ADAMTS5: variants seen among roughly 807,000 people sequenced by gnomAD.
ADAMTS5 encodes the protein A disintegrin and metalloproteinase with thrombospondin motifs 5.
ADAMTS5 carries 54 observed loss-of-function variants against 81.4 expected under a neutral mutation model. That is an observed-to-expected ratio of 0.66 (90% CI 0.53 to 0.83). The LOEUF (loss-of-function observed/expected upper bound fraction) is 0.83, where lower values mean the gene tolerates loss of function less well. Ranked by LOEUF, ADAMTS5 falls within the 40% of genes least tolerant of loss-of-function variation. The pLI, the probability that ADAMTS5 is intolerant of heterozygous loss-of-function variation, is 0.00. For missense variants in ADAMTS5, 1,194 were observed against 1,229.9 expected (o/e 0.97, Z 0.44); for synonymous variants, 532 against 508.8 (o/e 1.05, Z -0.61).
intron 3 of ADAMTS5, among the ~76,000 whole-genome samples, chr21:26,935,386 C>G (rs1986995253): frequency 6.6e-6 from 1 of 152,130 alleles, no homozygotes; most frequent in African/African-American, 2.4e-5. Context: ...CCAGATCTAC[C>G]TTTGAAGGCC....
At chr21:26,962,665 A>G (rs1345405738) in intron 1 of ADAMTS5, among the ~76,000 whole-genome samples, 2 of 152,208 alleles carry the variant, frequency 1.3e-5, no homozygotes, top group African/African-American at 2.4e-5. Flanking sequence ...CCATCAAAAC[A>G]TGGATTTCAT....
chr21:26,958,847 T>C (rs578057933), intron 1 of ADAMTS5, among the ~76,000 whole-genome samples: 1 of 152,318 alleles, frequency 6.6e-6, no homozygotes, highest in South Asian at 2.1e-4. Context: ...TGATGAATTC[T>C]CCTTGAGGGA....
chr21:26,925,461 A>G (rs1005614838), intron 7 of ADAMTS5, among the ~76,000 whole-genome samples: 3 of 152,232 alleles, frequency 2.0e-5, no homozygotes, highest in East Asian at 1.9e-4. Context: ...GTCTTCAAAG[A>G]GCCATCATCT....
At chr21:26,928,388 C>T (rs1986841911) in intron 7 of ADAMTS5, among the ~76,000 whole-genome samples, 1 of 152,088 alleles carries the variant, frequency 6.6e-6, no homozygotes, top group African/African-American at 2.4e-5. Context: ...CATTGCATAC[C>T]ACTTGTTGCT....
chr21:26,937,757 C>G (rs1987040061), intron 3 of ADAMTS5, among the ~76,000 whole-genome samples: 1 of 152,158 alleles, frequency 6.6e-6, no homozygotes, highest in African/African-American at 2.4e-5. Context: ...CTAGAGGCAT[C>G]CAACCTAGTG....
intron 2 of ADAMTS5, among the ~76,000 whole-genome samples, chr21:26,947,255 T>A (rs919652754): frequency 6.6e-6 from 1 of 152,208 alleles, no homozygotes; most frequent in African/African-American, 2.4e-5. Context: ...CCAAACACAC[T>A]TGTGTAATAG....
intron 2 of ADAMTS5, among the ~76,000 whole-genome samples, chr21:26,947,671 T>C (rs1987242689): frequency 6.6e-6 from 1 of 152,082 alleles, no homozygotes; most frequent in Admixed American, 6.6e-5. Flanking sequence ...CTGACCTCAG[T>C]TGATCCACCT....
Position 26,965,994 on chromosome 21 carries a change from C to G in ADAMTS5, c.398G>C (p.Arg133Pro). 5.0e-6 allele frequency: 8 copies of G among 1,613,156 alleles called. No individual in the cohort carries two copies. The highest frequency in any genetic ancestry group is 6.8e-6 in the Non-Finnish European group (8 of 1,179,798). Residue 133 changes from arginine (R) to proline (P), a missense_variant, in exon 1 of 8, where the codon CGG becomes CCG. Arg to Pro is a moderately radical substitution (Grantham distance 103). Coordinates refer to ENST00000284987, the MANE Select transcript of ADAMTS5 (RefSeq NM_007038.5). ...PWRHRSHCFY[R>P]GTVDGSPRSL... ...GCGGGGACTACCGTCCACTGTGCCC[C>G]GATAGAAGCAGTGGCTCCGGTGGCG...
intron 2 of ADAMTS5, among the ~76,000 whole-genome samples, chr21:26,946,757 A>G (rs1158036815): frequency 2.6e-5 from 4 of 152,244 alleles, no homozygotes; most frequent in Non-Finnish European, 5.9e-5. Context: ...ATTGTATTAC[A>G]TGATGAGTTT....
intron 1 of ADAMTS5, among the ~76,000 whole-genome samples, chr21:26,957,447 T>TGATA (rs3838079): frequency 0.023 from 3,526 of 150,490 alleles, 44 homozygotes; most frequent in East Asian, 0.074. Context: ...GATGGATAGA[T>TGATA]GATAGATAGA....
intron 1 of ADAMTS5, among the ~76,000 whole-genome samples, chr21:26,965,030 C>T (rs1187392584): frequency 6.6e-6 from 1 of 152,186 alleles, no homozygotes; most frequent in East Asian, 1.9e-4. Context: ...TGCCACAACA[C>T]CTCAGACTAG....
chr21:26,954,325 A>C (rs1311257868), intron 2 of ADAMTS5, among the ~76,000 whole-genome samples: 1 of 152,158 alleles, frequency 6.6e-6, no homozygotes. Flanking sequence ...TATCACTGAC[A>C]ATGAAATAAA....
chr21:26,931,871 G>T, intron 6 of ADAMTS5, 133 bp downstream of exon 6: 1 of 793,390 alleles, frequency 1.3e-6, no homozygotes, highest in South Asian at 2.9e-5. Context: ...TTATAGAGAT[G>T]AAAATAAAAA....
At chr21:26,926,177 G>C (rs1300678326) in intron 7 of ADAMTS5, among the ~76,000 whole-genome samples, 1 of 152,160 alleles carries the variant, frequency 6.6e-6, no homozygotes, top group Non-Finnish European at 1.5e-5. Flanking sequence ...AGGCTGAAGT[G>C]GGAGGATCGC....
Position 26,966,355 on chromosome 21 carries a change from A to T in ADAMTS5, c.37T>A (p.Phe13Ile). The change falls in exon 1 of 8, where the codon TTC (phenylalanine) becomes ATC (isoleucine). Residue 13 changes from phenylalanine (F) to isoleucine (I), a missense_variant. Physicochemically the swap from Phe to Ile is conservative, Grantham distance 21 (BLOSUM62 0). Around this residue, in one of 2 missense-constraint regions of ADAMTS5, gnomAD observed 498 missense variants for 412.3 expected, o/e 1.21. Coordinates refer to ENST00000284987, the MANE Select transcript of ADAMTS5 (RefSeq NM_007038.5). ...LGWASLLLCAFRLPLAAVGPA... is the reference protein window; with the variant it reads ...LGWASLLLCAIRLPLAAVGPA... ...CCGACCGCGGCCAGGGGCAGGCGGAACGCGCACAGCAGCAGGGACGCCCAC... is the reference window on the plus strand; with the variant it reads ...CCGACCGCGGCCAGGGGCAGGCGGATCGCGCACAGCAGCAGGGACGCCCAC... 1 of 1,501,464 alleles carries T rather than the reference A, an allele frequency of 6.7e-7. No individual in the cohort carries two copies. Among genetic ancestry groups the T allele is most frequent in the Non-Finnish European group, 8.8e-7 (1 of 1,134,056 alleles). 93.0% of individuals were successfully genotyped at this position (1,501,464 alleles called of 1,614,324 possible). A position where few individuals can be genotyped will look rare whatever the true frequency, so the allele number is the denominator to read the frequency against.
intron 3 of ADAMTS5, among the ~76,000 whole-genome samples, chr21:26,940,841 A>G (rs758254465): frequency 4.1e-4 from 62 of 152,074 alleles, no homozygotes; most frequent in Non-Finnish European, 7.4e-4. Flanking sequence ...TAGCACCTCA[A>G]TCATCTCTAA....
Position 26,965,892 on chromosome 21 carries a change from G to T in ADAMTS5, c.500C>A (p.Pro167Gln). Residue 167 changes from proline to glutamine, a missense_variant, in exon 1 of 8, where the codon CCA (proline) becomes CAA (glutamine). Pro to Gln is a moderately conservative substitution (Grantham distance 76). Transcript: ENST00000284987. ...CTCCGCCCAGGGTCCGCGCAGCAGT[G>T]GCTTTAGGGTGTAGCGCGCGTGCTT... Reference protein sequence around the residue: ...AVKHARYTLKPLLRGPWAEEE... With the variant: ...AVKHARYTLKQLLRGPWAEEE... The T allele has an allele frequency of 6.2e-7, 1 of 1,613,940 alleles. No homozygotes were observed. Among genetic ancestry groups the T allele is most frequent in the Middle Eastern group, 1.6e-4 (1 of 6,062 alleles).
intron 2 of ADAMTS5, among the ~76,000 whole-genome samples, chr21:26,945,174 A>G (rs1381504587): frequency 6.6e-6 from 1 of 151,526 alleles, no homozygotes; most frequent in African/African-American, 2.4e-5. Context: ...ACAATCTTTC[A>G]TTCATGTACT....
chr21:26,954,832 C>T lies in ADAMTS5; in HGVS notation c.1144G>A (p.Ala382Thr), dbSNP rs1256430381. The change falls in exon 2 of 8, where the codon GCA becomes ACA. Residue 382 changes from alanine (A) to threonine (T), a missense_variant. Ala to Thr is a moderately conservative substitution (Grantham distance 58, BLOSUM62 0). Coordinates refer to ENST00000284987, the MANE Select transcript of ADAMTS5 (RefSeq NM_007038.5). ...GHHSCDTLGMADVGTICSPER... is the reference protein window; with the variant it reads ...GHHSCDTLGMTDVGTICSPER... ...GGAGAACATATGGTCCCAACGTCTG[C>T]CATTCCCAGGGTGTCACATGAATGA... 1 of 1,614,092 alleles carries T rather than the reference C, an allele frequency of 6.2e-7. No homozygotes were observed. Among genetic ancestry groups the T allele is most frequent in the Admixed American group, 1.7e-5 (1 of 59,994 alleles).
Sources: gnomAD v4.1 joint callset for allele counts (sites outside exome capture counted in the v4.1 genomes callset) on GRCh38, gnomAD v4.1.1 for gene constraint, gnomAD v4.1.1 regional missense constraint, MANE v1.5 for transcripts, NCBI Gene and HGNC (gene_info 2026-07-23, HGNC 2026-07-21) for gene names.